UGT2A1: variants seen among roughly 807,000 people sequenced by gnomAD.
UGT2A1 encodes UDP glucuronosyltransferase family 2 member A1 complex locus, also known as UDP-glucuronosyltransferase 2A1.
In UGT2A1, 61 loss-of-function variants were observed where a neutral mutation model predicts 45.4. The observed-to-expected ratio is 1.34, with a 90% CI of 1.09 to 1.66. The LOEUF is 1.66. Ranked by LOEUF, UGT2A1 falls within the 40% of genes most tolerant of loss-of-function variation. UGT2A1 has a pLI of 0.00. For synonymous variants in UGT2A1, 229 were observed against 196.2 expected, an observed-to-expected ratio of 1.17 and a Z score of -1.40; for missense variants, 649 against 574.3, an observed-to-expected ratio of 1.13 and a Z score of -1.33.
At chr4:69,614,459 A>AT (rs1170699702) in intron 3 of UGT2A1, among the ~76,000 whole-genome samples, 5 of 125,826 alleles carry the variant, frequency 4.0e-5, no homozygotes, top group African/African-American at 9.5e-5. Flanking sequence ...CACAAATTAA[A>AT]AAATATATAT....
At chr4:69,634,700 T>C (rs1295370683) in intron 3 of UGT2A1, among the ~76,000 whole-genome samples, 1 of 152,176 alleles carries the variant, frequency 6.6e-6, no homozygotes, top group Non-Finnish European at 1.5e-5. Context: ...GAAAAACATT[T>C]GATAAAATTC....
chr4:69,638,975 G>A, intron 2 of UGT2A1: 1 of 1,612,958 alleles, frequency 6.2e-7, no homozygotes, highest in Non-Finnish European at 8.5e-7. Context: ...AATAAGATAT[G>A]GTATTTTTAA....
intron 2 of UGT2A1, among the ~76,000 whole-genome samples, chr4:69,644,251 CAT>C (rs1722159146): frequency 6.6e-6 from 1 of 151,648 alleles, no homozygotes; most frequent in Non-Finnish European, 1.5e-5. Flanking sequence ...TAAAATGGAA[CAT>C]GTGATTCTGA....
chr4:69,620,340 C>T (rs1463669162), intron 3 of UGT2A1, among the ~76,000 whole-genome samples: 1 of 136,142 alleles, frequency 7.3e-6, no homozygotes, highest in Admixed American at 7.1e-5. Flanking sequence ...ACACCAACAG[C>T]GAAGCAGAGA....
chr4:69,594,981 G>A lies in UGT2A1; in HGVS notation c.1084+181C>T, dbSNP rs535255695. ...ATGTTAACTGAAAATGCTCTTTTGTGAACCAGAGGAAGCCTGAGTCTATAA... is the reference window on the plus strand; with the variant it reads ...ATGTTAACTGAAAATGCTCTTTTGTAAACCAGAGGAAGCCTGAGTCTATAA... On this transcript the variant is annotated intron_variant, in intron 5 of 6. Coordinates refer to ENST00000286604, the MANE Select transcript of UGT2A1 (RefSeq NM_001252275.3). 7.9e-5 allele frequency among the ~76,000 whole-genome samples: 12 copies of A among 152,262 alleles called. No individual in the cohort carries two copies. The East Asian group carries it at 2.3e-3, about 29-fold the overall frequency.
chr4:69,630,960 C>G (rs1721347458), intron 3 of UGT2A1, among the ~76,000 whole-genome samples: 1 of 152,098 alleles, frequency 6.6e-6, no homozygotes, highest in Non-Finnish European at 1.5e-5. Context: ...AACAATACTA[C>G]TTAAATGTTA....
At chr4:69,622,505 G>T (rs1461756037) in intron 3 of UGT2A1, among the ~76,000 whole-genome samples, 3 of 151,820 alleles carry the variant, frequency 2.0e-5, no homozygotes, top group African/African-American at 7.2e-5. Flanking sequence ...AAATAGATTT[G>T]AAAACAATTG....
intron 1 of UGT2A1, among the ~76,000 whole-genome samples, chr4:69,650,726 A>T (rs1211112101): frequency 6.6e-6 from 1 of 152,152 alleles, no homozygotes; most frequent in African/African-American, 2.4e-5. Context: ...TTAAAAATAT[A>T]CTATCTTTTT....
Position 69,647,011 on chromosome 4 carries a change from T to G in UGT2A1, c.634A>C (p.Asn212His). 1 of 1,612,568 alleles carries G rather than the reference T, an allele frequency of 6.2e-7. No individual in the cohort carries two copies. The highest frequency in any genetic ancestry group is 8.5e-7 in the Non-Finnish European group (1 of 1,179,142). The change falls in exon 2 of 7, where the codon AAT becomes CAT. Residue 212 changes from asparagine to histidine, a missense_variant. Physicochemically the swap from Asn to His is moderately conservative, Grantham distance 68 (BLOSUM62 1). Coordinates refer to ENST00000286604, the MANE Select transcript of UGT2A1 (RefSeq NM_001252275.3). ...TCCTGTAGGTGGTAGGAGATGAAATTTCTTATTCTGTCAGTGAAAGACATT... is the reference window on the plus strand; with the variant it reads ...TCCTGTAGGTGGTAGGAGATGAAATGTCTTATTCTGTCAGTGAAAGACATT... ...DQMSFTDRIR[N>H]FISYHLQDYM... is the part of the protein sequence containing the mutation.
At chr4:69,607,901 A>G (rs2109909508) in intron 3 of UGT2A1, among the ~76,000 whole-genome samples, 1 of 152,338 alleles carries the variant, frequency 6.6e-6, no homozygotes, top group Non-Finnish European at 1.5e-5. Context: ...AATGGCGATC[A>G]TTAAAAAGTC....
intron 4 of UGT2A1, among the ~76,000 whole-genome samples, chr4:69,595,639 A>C (rs1479761005): frequency 6.6e-6 from 1 of 152,184 alleles, no homozygotes; most frequent in Non-Finnish European, 1.5e-5. Flanking sequence ...TAGAAGTATA[A>C]AAAGAATAGA....
At chr4:69,593,831 T>C (rs1718727764) in intron 6 of UGT2A1, among the ~76,000 whole-genome samples, 1 of 151,962 alleles carries the variant, frequency 6.6e-6, no homozygotes. Context: ...TTCAATTTTG[T>C]ATTTACTGAT....
At chr4:69,621,476 C>T (rs1487304111) in intron 3 of UGT2A1, among the ~76,000 whole-genome samples, 1 of 151,846 alleles carries the variant, frequency 6.6e-6, no homozygotes, top group Non-Finnish European at 1.5e-5. Flanking sequence ...GTCAGATTAG[C>T]TTTTATTAAA....
intron 3 of UGT2A1, among the ~76,000 whole-genome samples, chr4:69,600,974 CAG>C (rs2109894095): frequency 6.6e-6 from 1 of 152,184 alleles, no homozygotes; most frequent in South Asian, 2.1e-4. Context: ...AAGACTTGGG[CAG>C]AGACACAGAT....
At chr4:69,621,831 AAG>A (rs1347449326) in intron 3 of UGT2A1, among the ~76,000 whole-genome samples, 2 of 151,960 alleles carry the variant, frequency 1.3e-5, no homozygotes, top group African/African-American at 4.8e-5. Flanking sequence ...ATAAAAAGGA[AAG>A]AGAACATGTT....
At chr4:69,619,982 C>T (rs897442764) in intron 3 of UGT2A1, among the ~76,000 whole-genome samples, 18 of 151,892 alleles carry the variant, frequency 1.2e-4, no homozygotes, top group African/African-American at 4.3e-4. Flanking sequence ...AAGAAACATA[C>T]CTCAAAATAA....
chr4:69,596,486 C>A, intron 4 of UGT2A1: 1 of 1,326,642 alleles, frequency 7.5e-7, no homozygotes, highest in Non-Finnish European at 9.8e-7. Context: ...GTCAGAGAAA[C>A]TGTTGAACTG....
chr4:69,633,891 C>T (rs749582079), intron 3 of UGT2A1, among the ~76,000 whole-genome samples: 1 of 152,096 alleles, frequency 6.6e-6, no homozygotes, highest in East Asian at 1.9e-4. Context: ...GGGGTTACTT[C>T]GTGAAACTTC....
At chr4:69,629,363 A>T (rs893714488) in intron 3 of UGT2A1, among the ~76,000 whole-genome samples, 1 of 152,092 alleles carries the variant, frequency 6.6e-6, no homozygotes. Context: ...TATATTCAAG[A>T]GGGGCTCATA....
Sources: gnomAD v4.1 joint callset for allele counts (sites outside exome capture counted in the v4.1 genomes callset) on GRCh38, gnomAD v4.1.1 for gene constraint, MANE v1.5 for transcripts, NCBI Gene and HGNC (gene_info 2026-07-23, HGNC 2026-07-21) for gene names.